PCDH15: variants seen among roughly 807,000 people sequenced by gnomAD.
PCDH15 encodes protocadherin-15.
In PCDH15, 129 loss-of-function variants were observed where a neutral mutation model predicts 178.5. The ratio of observed to expected loss-of-function variants is 0.72; its 90% CI spans 0.63 to 0.84. The LOEUF is 0.84. PCDH15 is among the 40% of genes least tolerant of loss of function. PCDH15 has a pLI of 0.00. For synonymous variants in PCDH15, 800 were observed against 732.0 expected (o/e 1.09, Z -1.50); for missense variants, 2,230 against 2,099.9 (o/e 1.06, Z -1.21).
intron 8 of PCDH15, among the ~76,000 whole-genome samples, chr10:54,290,107 G>A (rs1329512911): frequency 6.6e-6 from 1 of 152,146 alleles, no homozygotes; most frequent in African/African-American, 2.4e-5. Context: ...ATTCACCAAG[G>A]TTGTAATGAA....
chr10:55,406,864 C>T (rs1442997801), intron 2 of PCDH15, among the ~76,000 whole-genome samples: 1 of 152,114 alleles, frequency 6.6e-6, no homozygotes, highest in Non-Finnish European at 1.5e-5. Context: ...TGGTATAAAA[C>T]AAGAGACTCC....
chr10:54,394,202 A>G (rs1950906860), intron 3 of PCDH15, among the ~76,000 whole-genome samples: 1 of 152,040 alleles, frequency 6.6e-6, no homozygotes, highest in Non-Finnish European at 1.5e-5. Context: ...ACATGAATCT[A>G]TTCATTTTTA....
intron 2 of PCDH15, among the ~76,000 whole-genome samples, chr10:55,091,501 T>G (rs1842317019): frequency 6.6e-6 from 1 of 151,918 alleles, no homozygotes; most frequent in Non-Finnish European, 1.5e-5. Flanking sequence ...TTAAGTAGAT[T>G]AAGCACTCAG....
At chr10:54,638,569 C>T (rs867667511) in intron 2 of PCDH15, among the ~76,000 whole-genome samples, 2 of 151,946 alleles carry the variant, frequency 1.3e-5, no homozygotes, top group East Asian at 1.9e-4. Context: ...TAAGATAGTG[C>T]CTGGCTTCCA....
chr10:53,906,906 C>T (rs1335498040), intron 25 of PCDH15: 1 of 151,756 alleles, frequency 6.6e-6, no homozygotes, highest in Non-Finnish European at 1.5e-5. Flanking sequence ...CATGTGCTTG[C>T]TCCTTGTCTC....
At chr10:54,460,819 T>C (rs544623859) in intron 3 of PCDH15, among the ~76,000 whole-genome samples, 20 of 152,160 alleles carry the variant, frequency 1.3e-4, no homozygotes, top group Non-Finnish European at 1.5e-5. Context: ...ACCACTGAGT[T>C]TGAAGTGCAC....
chr10:54,826,105 T>C (rs938892930), intron 3 of PCDH15, among the ~76,000 whole-genome samples: 1 of 152,110 alleles, frequency 6.6e-6, no homozygotes, highest in African/African-American at 2.4e-5. Context: ...CTTTCTGTTA[T>C]ACTATAAGTT....
chr10:55,215,907 C>T (rs910156028), intron 1 of PCDH15, among the ~76,000 whole-genome samples: 1 of 151,864 alleles, frequency 6.6e-6, no homozygotes, highest in African/African-American at 2.4e-5. Flanking sequence ...TGACACAACA[C>T]GAAGCAGTAT....
At chr10:53,866,112 A>C (rs2079432579) in intron 27 of PCDH15, among the ~76,000 whole-genome samples, 1 of 152,200 alleles carries the variant, frequency 6.6e-6, no homozygotes, top group Non-Finnish European at 1.5e-5. Context: ...AACTTAGTCA[A>C]GGCTAAACAA....
At chr10:54,929,096 A>G (rs1174308082) in intron 2 of PCDH15, among the ~76,000 whole-genome samples, 2 of 152,134 alleles carry the variant, frequency 1.3e-5, no homozygotes, top group Non-Finnish European at 2.9e-5. Context: ...CACCATTGAA[A>G]GTTTTATTTT....
At chr10:54,235,176 ATCC>A (rs2054499690) in intron 9 of PCDH15, among the ~76,000 whole-genome samples, 1 of 152,080 alleles carries the variant, frequency 6.6e-6, no homozygotes, top group African/African-American at 2.4e-5. Context: ...TTCTACTACA[ATCC>A]TCCTCTGCTT....
chr10:54,464,271 A>G (rs2077380439), intron 3 of PCDH15, among the ~76,000 whole-genome samples: 1 of 152,222 alleles, frequency 6.6e-6, no homozygotes, highest in Admixed American at 6.5e-5. Context: ...GGGAGAGGTT[A>G]TAAATGACTA....
chr10:53,994,798 T>C (rs186486687), intron 21 of PCDH15: 1 of 152,202 alleles, frequency 6.6e-6, no homozygotes, highest in Admixed American at 6.5e-5. Context: ...AGCTGAAAAA[T>C]GTTATGATGG....
chr10:55,076,199 T>C (rs1013472647), intron 2 of PCDH15, among the ~76,000 whole-genome samples: 1 of 152,222 alleles, frequency 6.6e-6, no homozygotes, highest in Admixed American at 6.5e-5. Context: ...GAAGAATGTA[T>C]ATTTTGCAGT....
intron 7 of PCDH15, among the ~76,000 whole-genome samples, chr10:54,327,666 C>T (rs767062579): frequency 5.3e-5 from 8 of 151,760 alleles, no homozygotes; most frequent in Non-Finnish European, 1.0e-4. Context: ...GTTTGTGGCA[C>T]ATTTTTTCAT....
intron 1 of PCDH15, among the ~76,000 whole-genome samples, chr10:54,674,523 A>G (rs1458763999): frequency 6.6e-6 from 1 of 152,140 alleles, no homozygotes; most frequent in Non-Finnish European, 1.5e-5. Flanking sequence ...AAATATTTCT[A>G]AGCTTTGATT....
chr10:54,534,088 G>A (rs2084224722), intron 2 of PCDH15, among the ~76,000 whole-genome samples: 1 of 152,042 alleles, frequency 6.6e-6, no homozygotes, highest in Non-Finnish European at 1.5e-5. Flanking sequence ...TTAGAAGAGT[G>A]TCTGGCAAAA....
At chr10:54,012,322 C>T (rs776582813) in intron 20 of PCDH15, among the ~76,000 whole-genome samples, 19 of 152,070 alleles carry the variant, frequency 1.2e-4, no homozygotes, top group East Asian at 1.9e-4. Context: ...CCCTCATTGG[C>T]GTCACTGAGG....
intron 18 of PCDH15, among the ~76,000 whole-genome samples, chr10:54,065,930 C>T (rs2094128736): frequency 6.6e-6 from 1 of 152,122 alleles, no homozygotes. Context: ...AGAGAAGCCT[C>T]ACTTGAAAGC....
Sources: gnomAD v4.1 joint callset for allele counts (sites outside exome capture counted in the v4.1 genomes callset) on GRCh38, gnomAD v4.1.1 for gene constraint, MANE v1.5 for transcripts, NCBI Gene and HGNC (gene_info 2026-07-23, HGNC 2026-07-21) for gene names.